The following MGAT5 variants were observed in gnomAD, a reference collection of about 807,000 sequenced individuals.
MGAT5 encodes the protein alpha-1,6-mannosylglycoprotein 6-beta-N-acetylglucosaminyltransferase.
A neutral mutation model predicts 94.3 loss-of-function variants in MGAT5; 30 were observed. That is an observed-to-expected ratio of 0.32 (90% confidence interval 0.24 to 0.43). The LOEUF (loss-of-function observed/expected upper bound fraction) is 0.43. Ranked by LOEUF, MGAT5 falls within the 20% of genes least tolerant of loss-of-function variation. The probability of loss-of-function intolerance (pLI) is 1.00; values close to 1 mark genes in which losing one functional copy is unlikely to be tolerated. For missense variants in MGAT5, 691 were observed against 905.5 expected, an observed-to-expected ratio of 0.76 and a Z score of 3.04; for synonymous variants, 310 against 322.9, an observed-to-expected ratio of 0.96 and a Z score of 0.43.
intron 13 of MGAT5, among the ~76,000 whole-genome samples, chr2:134,425,353 TTTTTTGTTTTTG>T (rs774490761): frequency 1.3e-4 from 20 of 152,060 alleles, no homozygotes; most frequent in Admixed American, 7.2e-4. Flanking sequence ...GTTTTTAGTT[TTTTTTGTTTTTG>T]TTTTTGTTTT....
At chr2:134,207,576 TA>T (rs200009308) in intron 1 of MGAT5, among the ~76,000 whole-genome samples, 581 of 142,078 alleles carry the variant, frequency 4.1e-3, no homozygotes, top group Admixed American at 3.7e-3. Context: ...ACTGAAAGGT[TA>T]AAAAAAAAAA....
intron 2 of MGAT5, among the ~76,000 whole-genome samples, chr2:134,290,496 C>T (rs977470244): frequency 6.6e-6 from 1 of 152,200 alleles, no homozygotes; most frequent in Non-Finnish European, 1.5e-5. Flanking sequence ...GTATGGCTTC[C>T]TGTCTTTAGT....
intron 9 of MGAT5, among the ~76,000 whole-genome samples, chr2:134,359,429 G>C (rs1573910935): frequency 6.6e-6 from 1 of 152,328 alleles, no homozygotes; most frequent in African/African-American, 2.4e-5. Flanking sequence ...TTTCTTATCT[G>C]TACAAACATG....
intron 4 of MGAT5, among the ~76,000 whole-genome samples, chr2:134,325,413 A>C (rs1687584872): frequency 6.6e-6 from 1 of 152,130 alleles, no homozygotes; most frequent in African/African-American, 2.4e-5. Context: ...CATGTACTAC[A>C]AAAGAGTTTA....
chr2:134,337,773 G>A (rs1299764102), intron 5 of MGAT5, among the ~76,000 whole-genome samples: 3 of 152,074 alleles, frequency 2.0e-5, no homozygotes, highest in African/African-American at 7.2e-5. Flanking sequence ...TTTGGACTGG[G>A]ACAAAACCAG....
At chr2:134,221,269 G>C (rs1282770792) in intron 1 of MGAT5, among the ~76,000 whole-genome samples, 2 of 152,140 alleles carry the variant, frequency 1.3e-5, no homozygotes, top group African/African-American at 4.8e-5. Context: ...GGAATGCATT[G>C]GTTTGGTTTA....
intron 2 of MGAT5, among the ~76,000 whole-genome samples, chr2:134,316,460 G>T (rs963700978): frequency 6.6e-6 from 1 of 151,994 alleles, no homozygotes; most frequent in African/African-American, 2.4e-5. Flanking sequence ...GAGTGGGTTG[G>T]GTATCTTGCC....
intron 1 of MGAT5, among the ~76,000 whole-genome samples, chr2:134,137,307 T>C (rs1573723947): frequency 6.6e-6 from 1 of 152,332 alleles, no homozygotes; most frequent in Non-Finnish European, 1.5e-5. Context: ...GGCTTGGAGG[T>C]AGTCAGCGCC....
chr2:134,339,784 C>T (rs1404403262), intron 6 of MGAT5, among the ~76,000 whole-genome samples: 1 of 152,162 alleles, frequency 6.6e-6, no homozygotes, highest in Non-Finnish European at 1.5e-5. Flanking sequence ...AATGAACTGA[C>T]TATATATCCA....
Position 134,318,852 on chromosome 2 carries a change from T to C in MGAT5, c.573+113T>C, listed in dbSNP as rs896854332. ...GTGTGGTATTTTTATGTGGAGGACC[T>C]ATGGTTCCGTCCTTCATTACTCTCC... On this transcript the variant is annotated intron_variant, in intron 4 of 15. Transcript: ENST00000281923. 6.0e-6 allele frequency: 4 copies of C among 668,306 alleles called. No individual in the cohort carries two copies. In the African/African-American group the frequency reaches 7.2e-5, roughly 12 times the overall value. The allele number at this position is 668,306 out of a possible 1,614,324, so 41.4% of individuals were successfully genotyped here.
chr2:134,224,650 A>G (rs1680961300), intron 1 of MGAT5, among the ~76,000 whole-genome samples: 1 of 152,208 alleles, frequency 6.6e-6, no homozygotes, highest in Non-Finnish European at 1.5e-5. Flanking sequence ...CTAGGTCTCC[A>G]AAACTATGAC....
At chr2:134,334,640 C>G (rs1031729081) in intron 4 of MGAT5, among the ~76,000 whole-genome samples, 1 of 151,020 alleles carries the variant, frequency 6.6e-6, no homozygotes, top group Non-Finnish European at 1.5e-5. Context: ...CTAATTGGAG[C>G]TAAATAATTC....
chr2:134,127,044 G>A (rs1685872905), intron 1 of MGAT5: 1 of 154,364 alleles, frequency 6.5e-6, no homozygotes, highest in Non-Finnish European at 1.5e-5. Flanking sequence ...TTTTCCTTTG[G>A]CACCTTTCTT....
At chr2:134,260,702 CTTTT>C (rs3838494) in intron 1 of MGAT5, among the ~76,000 whole-genome samples, 1 of 127,046 alleles carries the variant, frequency 7.9e-6, no homozygotes, top group Non-Finnish European at 1.7e-5. Flanking sequence ...TTTTCTTTTT[CTTTT>C]TTTTTTTTTT....
chr2:134,381,374 A>AGAT (rs60788131), intron 10 of MGAT5, among the ~76,000 whole-genome samples: 11,571 of 54,196 alleles, frequency 0.21, 557 homozygotes, highest in Middle Eastern at 0.3. Flanking sequence ...TAGATAAGAT[A>AGAT]AGATAGATTA....
At chr2:134,430,831 C>T (rs996718856) in intron 14 of MGAT5, among the ~76,000 whole-genome samples, 1 of 152,142 alleles carries the variant, frequency 6.6e-6, no homozygotes, top group Non-Finnish European at 1.5e-5. Context: ...AGCTCCAGGT[C>T]CCCATCCCTA....
intron 10 of MGAT5, among the ~76,000 whole-genome samples, chr2:134,389,472 T>C (rs1193280756): frequency 6.6e-6 from 1 of 152,220 alleles, no homozygotes; most frequent in East Asian, 1.9e-4. Flanking sequence ...TTAATTTTTC[T>C]AAGTGGCGTT....
intron 10 of MGAT5, among the ~76,000 whole-genome samples, chr2:134,367,179 G>T (rs1429641509): frequency 6.6e-6 from 1 of 152,186 alleles, no homozygotes; most frequent in Non-Finnish European, 1.5e-5. Context: ...GCCTAAGGTT[G>T]GGTACATTAC....
chr2:134,385,482 C>T (rs954559508), intron 10 of MGAT5, among the ~76,000 whole-genome samples: 17 of 152,130 alleles, frequency 1.1e-4, no homozygotes, highest in African/African-American at 4.1e-4. Context: ...ACTAGAATGT[C>T]CTTAGTCACT....
Sources: gnomAD v4.1 joint callset for allele counts (sites outside exome capture counted in the v4.1 genomes callset) on GRCh38, gnomAD v4.1.1 for gene constraint, MANE v1.5 for transcripts, NCBI Gene and HGNC (gene_info 2026-07-23, HGNC 2026-07-21) for gene names.